ANTXR1: variants seen among roughly 807,000 people sequenced by gnomAD.
The protein encoded by ANTXR1 is ANTXR cell adhesion molecule 1, also known as anthrax toxin receptor 1.
ANTXR1 carries 19 observed loss-of-function variants against 78.1 expected under a neutral mutation model. The observed-to-expected ratio is 0.24, with a 90% CI of 0.17 to 0.36. The LOEUF (loss-of-function observed/expected upper bound fraction) is 0.36. Among genes scored for constraint, ANTXR1 ranks in the 10% least tolerant of loss-of-function variants. ANTXR1 has a pLI of 1.00. For synonymous variants in ANTXR1, 273 were observed against 260.5 expected, an observed-to-expected ratio of 1.05 and a Z score of -0.46; for missense variants, 518 against 718.6, an observed-to-expected ratio of 0.72 and a Z score of 3.19.
chr2:69,071,861 G>C, intron 5 of ANTXR1, 74 bp downstream of exon 5: 1 of 1,328,908 alleles, frequency 7.5e-7, no homozygotes, highest in Non-Finnish European at 1.1e-6. Flanking sequence ...AAGTGCTTCA[G>C]TCATTTCATG....
intron 8 of ANTXR1, among the ~76,000 whole-genome samples, chr2:69,088,123 C>G (rs1236322214): frequency 6.6e-6 from 1 of 152,214 alleles, no homozygotes; most frequent in Non-Finnish European, 1.5e-5. Context: ...GATTTATCAG[C>G]TAATTGCAGA....
At chr2:69,069,482 A>G (rs1009718652) in intron 3 of ANTXR1, among the ~76,000 whole-genome samples, 1 of 152,352 alleles carries the variant, frequency 6.6e-6, no homozygotes, top group African/African-American at 2.4e-5. Context: ...TCAGAGCCAT[A>G]GGTTCCCAGA....
intron 10 of ANTXR1, among the ~76,000 whole-genome samples, chr2:69,114,550 A>G (rs1672081539): frequency 6.6e-6 from 1 of 152,228 alleles, no homozygotes; most frequent in Non-Finnish European, 1.5e-5. Context: ...GAACACAGTA[A>G]CAATAATAAC....
At chr2:69,229,884 A>G (rs1675547268) in intron 17 of ANTXR1, among the ~76,000 whole-genome samples, 1 of 152,168 alleles carries the variant, frequency 6.6e-6, no homozygotes, top group Non-Finnish European at 1.5e-5. Flanking sequence ...ACTTGATGCC[A>G]TTGATGAAGA....
intron 12 of ANTXR1, among the ~76,000 whole-genome samples, chr2:69,135,580 G>A (rs1365688346): frequency 6.6e-6 from 1 of 152,056 alleles, no homozygotes; most frequent in South Asian, 2.1e-4. Context: ...CCAAAAGAAA[G>A]TTAGTATAGC....
intron 9 of ANTXR1, 23 bp downstream of exon 9, chr2:69,090,942 TTGCTTTCATACAATTGA>T: frequency 6.2e-7 from 1 of 1,608,196 alleles, no homozygotes; most frequent in Non-Finnish European, 8.5e-7. Context: ...GAAATGCTAA[TTGCTTTCATACAATTGA>T]TGATATTTTG....
At chr2:69,075,515 G>A (rs1025721707) in intron 6 of ANTXR1, 75 bp from the exon 7 acceptor site, 8 of 1,396,212 alleles carry the variant, frequency 5.7e-6, no homozygotes, top group African/African-American at 4.3e-5. Flanking sequence ...CATCATTGAA[G>A]TTAGTCAGGT....
At chr2:69,234,668 C>T (rs1355840346) in intron 17 of ANTXR1, among the ~76,000 whole-genome samples, 1 of 152,062 alleles carries the variant, frequency 6.6e-6, no homozygotes, top group Non-Finnish European at 1.5e-5. Context: ...GAGGCTGAAG[C>T]AGGAGAATCG....
In ANTXR1 at chr2:69,013,473, G is replaced by C. The variant is rs1295053117; in HGVS notation, c.-27G>C. On this transcript the variant is annotated 5_prime_UTR_variant, in exon 1 of 18. Transcript: ENST00000303714. The surrounding 1 kb of genome is among the most constrained non-coding windows in gnomAD (Gnocchi z 5.0). ...AGTTCGCGGAGCGTGGGAAGGAGCG[G>C]ACCCTGCTCTCCCCGGGCTGCGGGC... 6.3e-7 allele frequency: 1 copy of C among 1,583,620 alleles called. No individual in the cohort carries two copies. The highest frequency in any genetic ancestry group is 8.6e-7 in the Non-Finnish European group (1 of 1,167,404).
At chr2:69,049,028 G>A (rs1669855505) in intron 3 of ANTXR1, among the ~76,000 whole-genome samples, 1 of 151,788 alleles carries the variant, frequency 6.6e-6, no homozygotes, top group Admixed American at 6.6e-5. Flanking sequence ...TTTTTCCCAG[G>A]CATTTTAAGT....
intron 9 of ANTXR1, among the ~76,000 whole-genome samples, chr2:69,098,575 A>G (rs972699232): frequency 6.6e-6 from 1 of 152,282 alleles, no homozygotes; most frequent in Non-Finnish European, 1.5e-5. Flanking sequence ...AAAGGAAACC[A>G]AAGAAATAAA....
At chr2:69,102,025 A>T (rs1309822224) in intron 9 of ANTXR1, among the ~76,000 whole-genome samples, 2 of 152,238 alleles carry the variant, frequency 1.3e-5, no homozygotes, top group Non-Finnish European at 2.9e-5. Flanking sequence ...CCAATGAGAA[A>T]TTAATATGCA....
At chr2:69,106,922 T>C (rs899027269) in intron 10 of ANTXR1, among the ~76,000 whole-genome samples, 2 of 152,180 alleles carry the variant, frequency 1.3e-5, no homozygotes, top group African/African-American at 4.8e-5. Flanking sequence ...GTTTAAAATG[T>C]GTGAAGACAT....
chr2:69,220,278 A>G (rs1268027416), intron 17 of ANTXR1, among the ~76,000 whole-genome samples: 3 of 152,162 alleles, frequency 2.0e-5, no homozygotes, highest in Non-Finnish European at 4.4e-5. Flanking sequence ...TCCTCATCAT[A>G]CAGAGCTGCT....
At chr2:69,050,430 T>G (rs1190541660) in intron 3 of ANTXR1, among the ~76,000 whole-genome samples, 2 of 145,574 alleles carry the variant, frequency 1.4e-5, no homozygotes, top group Non-Finnish European at 2.9e-5. Flanking sequence ...AAGATATTAC[T>G]TATCAATATT....
intron 17 of ANTXR1, among the ~76,000 whole-genome samples, chr2:69,194,447 T>C (rs1674615971): frequency 6.6e-6 from 1 of 152,254 alleles, no homozygotes; most frequent in Non-Finnish European, 1.5e-5. Flanking sequence ...GCAAATCACC[T>C]GACCTCTCTG....
At chr2:69,220,879 A>T (rs977665633) in intron 17 of ANTXR1, among the ~76,000 whole-genome samples, 1 of 152,184 alleles carries the variant, frequency 6.6e-6, no homozygotes, top group Non-Finnish European at 1.5e-5. Flanking sequence ...TGAAACTCTT[A>T]AAAAGATTGT....
chr2:69,040,242 C>G (rs1669574370), intron 2 of ANTXR1, 127 bp downstream of exon 2: 2 of 785,850 alleles, frequency 2.5e-6, no homozygotes, highest in Non-Finnish European at 4.4e-6. Context: ...GCTCTCAGAT[C>G]TCGGACCAGA....
At chr2:69,099,233 C>T (rs1219075129) in intron 9 of ANTXR1, among the ~76,000 whole-genome samples, 1 of 152,132 alleles carries the variant, frequency 6.6e-6, no homozygotes, top group Non-Finnish European at 1.5e-5. Context: ...TGTCTTGCTT[C>T]TTTTATTTAG....
Sources: allele counts gnomAD v4.1 joint callset (sites outside exome capture counted in the v4.1 genomes callset), GRCh38; gene constraint gnomAD v4.1.1; non-coding constraint Gnocchi (gnomAD v3.1); transcripts MANE v1.5; gene names NCBI Gene and HGNC (gene_info 2026-07-23, HGNC 2026-07-21).